RABL3: variants seen among roughly 807,000 people sequenced by gnomAD.
The protein encoded by RABL3 is RAB, member of RAS oncogene family like 3.
RABL3 carries 31 observed loss-of-function variants against 31.8 expected under a neutral mutation model. The ratio of observed to expected loss-of-function variants is 0.97; its 90% CI spans 0.73 to 1.31. The LOEUF (loss-of-function observed/expected upper bound fraction) is 1.31, where lower values mean the gene tolerates loss of function less well. Among genes scored for constraint, RABL3 ranks in the 40% most tolerant of loss-of-function variants. The probability of loss-of-function intolerance (pLI) is 0.00; values close to 1 mark genes in which losing one functional copy is unlikely to be tolerated. For synonymous variants in RABL3, 97 were observed against 99.9 expected, an observed-to-expected ratio of 0.97 and a Z score of 0.18; for missense variants, 263 against 279.6, an observed-to-expected ratio of 0.94 and a Z score of 0.42.
intron 4 of RABL3, among the ~76,000 whole-genome samples, chr3:120,700,412 T>C (rs1708480691): frequency 1.3e-5 from 2 of 152,072 alleles, no homozygotes; most frequent in African/African-American, 4.8e-5. Flanking sequence ...TAGGAAACTG[T>C]ACAAGACAAA....
intron 1 of RABL3, among the ~76,000 whole-genome samples, chr3:120,738,902 T>C (rs552885968): frequency 6.6e-6 from 1 of 152,330 alleles, no homozygotes; most frequent in South Asian, 2.1e-4. Context: ...GTCCTTAGTA[T>C]ACCTTCCCAG....
chr3:120,695,313 T>A (rs1487698382), intron 5 of RABL3, among the ~76,000 whole-genome samples: 3 of 152,058 alleles, frequency 2.0e-5, no homozygotes, highest in African/African-American at 4.8e-5. Flanking sequence ...AACAAAGTTG[T>A]CAAAGATCAC....
At chr3:120,712,048 C>T (rs1708618528) in intron 2 of RABL3, among the ~76,000 whole-genome samples, 1 of 152,088 alleles carries the variant, frequency 6.6e-6, no homozygotes, top group South Asian at 2.1e-4. Flanking sequence ...AACAAGATAG[C>T]TCAGTAGTTA....
At chr3:120,729,708 G>A (rs1708860532) in intron 2 of RABL3, among the ~76,000 whole-genome samples, 1 of 152,094 alleles carries the variant, frequency 6.6e-6, no homozygotes, top group African/African-American at 2.4e-5. Flanking sequence ...AGATATAATT[G>A]AAGAGATTCT....
intron 2 of RABL3, among the ~76,000 whole-genome samples, chr3:120,711,006 A>G (rs1352085936): frequency 6.6e-6 from 1 of 152,142 alleles, no homozygotes; most frequent in East Asian, 1.9e-4. Flanking sequence ...CCAATGGTCA[A>G]TTAACAGTTT....
chr3:120,735,605 C>G (rs965551777), intron 1 of RABL3, among the ~76,000 whole-genome samples: 2 of 151,998 alleles, frequency 1.3e-5, no homozygotes, highest in African/African-American at 4.8e-5. Flanking sequence ...TGTGTTTGCT[C>G]TTGCTTCTCT....
upstream of RABL3, chr3:120,742,627 A>G: frequency 1.0e-6 from 1 of 992,762 alleles, no homozygotes; most frequent in Non-Finnish European, 1.6e-6. Flanking sequence ...TCTTGATCGA[A>G]GGTTTCACTG....
chr3:120,711,096 T>C (rs777123625), intron 2 of RABL3, among the ~76,000 whole-genome samples: 2 of 152,150 alleles, frequency 1.3e-5, no homozygotes, highest in African/African-American at 2.4e-5. Flanking sequence ...ACTCTTCTAG[T>C]TTTCTTCCTA....
intron 5 of RABL3, among the ~76,000 whole-genome samples, chr3:120,696,047 T>A (rs912303112): frequency 6.6e-6 from 1 of 152,192 alleles, no homozygotes; most frequent in Admixed American, 6.5e-5. Context: ...GACTATTAAC[T>A]AGGGAAGATA....
intron 1 of RABL3, among the ~76,000 whole-genome samples, chr3:120,737,456 C>T (rs933351080): frequency 6.6e-6 from 1 of 152,212 alleles, no homozygotes; most frequent in Non-Finnish European, 1.5e-5. Context: ...AGCTTCTTTG[C>T]AATGGGTTTG....
chr3:120,715,069 C>T (rs6801062), intron 2 of RABL3, among the ~76,000 whole-genome samples: 9,636 of 152,220 alleles, frequency 0.063, 517 homozygotes, highest in African/African-American at 0.14. Context: ...CTATTGTTTC[C>T]TTCTTTTTCA....
At chr3:120,733,659 G>C (rs547156184) in intron 1 of RABL3, among the ~76,000 whole-genome samples, 1 of 152,230 alleles carries the variant, frequency 6.6e-6, no homozygotes, top group Non-Finnish European at 1.5e-5. Flanking sequence ...GTATTGCCTA[G>C]GTTTTCTTCT....
chr3:120,724,300 G>A (rs547322373), intron 2 of RABL3, among the ~76,000 whole-genome samples: 13 of 152,232 alleles, frequency 8.5e-5, no homozygotes, highest in Admixed American at 3.9e-4. Context: ...AAGTAAAAGA[G>A]GACACAAACA....
chr3:120,693,353 A>C (rs1708401592), intron 6 of RABL3, among the ~76,000 whole-genome samples: 1 of 152,244 alleles, frequency 6.6e-6, no homozygotes, highest in Non-Finnish European at 1.5e-5. Context: ...TTAAATCCCT[A>C]AATAGTTAAA....
intron 2 of RABL3, among the ~76,000 whole-genome samples, chr3:120,723,428 A>C (rs576657705): frequency 6.6e-6 from 1 of 152,332 alleles, no homozygotes; most frequent in African/African-American, 2.4e-5. Flanking sequence ...AAAAGGGGGA[A>C]TCCTCCCTAA....
chr3:120,698,140 G>A (rs1017588035), intron 5 of RABL3, among the ~76,000 whole-genome samples: 1 of 152,142 alleles, frequency 6.6e-6, no homozygotes, highest in Non-Finnish European at 1.5e-5. Context: ...CTCCAGTCTG[G>A]GCGACAGAGC....
chr3:120,722,501 C>T (rs1166291648), intron 2 of RABL3: 2 of 152,194 alleles, frequency 1.3e-5, no homozygotes, highest in Non-Finnish European at 2.9e-5. Context: ...GCCACATCCC[C>T]TATAACAGAA....
intron 3 of RABL3, among the ~76,000 whole-genome samples, chr3:120,707,184 A>G (rs1477621584): frequency 6.6e-6 from 1 of 152,148 alleles, no homozygotes; most frequent in Non-Finnish European, 1.5e-5. Flanking sequence ...TTTTATAGCC[A>G]TCTGTGTAAC....
upstream of RABL3, chr3:120,742,553 G>A (rs1039819954): frequency 5.6e-6 from 9 of 1,600,854 alleles, no homozygotes; most frequent in Middle Eastern, 1.7e-4. Flanking sequence ...TGGATTGTAA[G>A]CCAATCAGAG....
Sources: gnomAD v4.1 joint callset for allele counts (sites outside exome capture counted in the v4.1 genomes callset) on GRCh38, gnomAD v4.1.1 for gene constraint, MANE v1.5 for transcripts, NCBI Gene and HGNC (gene_info 2026-07-23, HGNC 2026-07-21) for gene names.